The following LRRC4C variants were observed in gnomAD, a reference collection of about 807,000 sequenced individuals.
LRRC4C encodes leucine-rich repeat-containing protein 4C.
Under a neutral mutation model 33.6 loss-of-function variants are expected in LRRC4C, and 5 were observed. The observed-to-expected ratio is 0.15, with a 90% CI of 0.08 to 0.31. The LOEUF (loss-of-function observed/expected upper bound fraction) is 0.31. Among genes scored for constraint, LRRC4C ranks in the 10% least tolerant of loss-of-function variants. The pLI, the probability that LRRC4C is intolerant of heterozygous loss-of-function variation, is 1.00. For synonymous variants in LRRC4C, 329 were observed against 302.0 expected, an observed-to-expected ratio of 1.09 and a Z score of -0.93; for missense variants, 560 against 796.7, an observed-to-expected ratio of 0.70 and a Z score of 3.58.
At chr11:41,300,021 C>A (rs1041100908) in intron 1 of LRRC4C, among the ~76,000 whole-genome samples, 13 of 152,010 alleles carry the variant, frequency 8.6e-5, no homozygotes, top group East Asian at 1.9e-4. Context: ...GTCATTAGAG[C>A]AGCTTGTATA....
At chr11:41,147,805 T>C (rs537661121) in intron 1 of LRRC4C, among the ~76,000 whole-genome samples, 2 of 152,214 alleles carry the variant, frequency 1.3e-5, no homozygotes, top group African/African-American at 4.8e-5. Flanking sequence ...TTGCTCAAGG[T>C]CAGGAGTGGT....
intron 2 of LRRC4C, among the ~76,000 whole-genome samples, chr11:40,844,426 A>G (rs1261460353): frequency 6.6e-6 from 1 of 152,150 alleles, no homozygotes; most frequent in Admixed American, 6.6e-5. Flanking sequence ...GTATTTTTCC[A>G]CATTCTTAAG....
chr11:40,904,150 T>C (rs1026228830), intron 2 of LRRC4C, among the ~76,000 whole-genome samples: 1 of 152,124 alleles, frequency 6.6e-6, no homozygotes, highest in Non-Finnish European at 1.5e-5. Flanking sequence ...TTTTTGTATT[T>C]CAACCAGGTA....
At chr11:40,507,797 T>C (rs1036756796) in intron 3 of LRRC4C, among the ~76,000 whole-genome samples, 7 of 150,984 alleles carry the variant, frequency 4.6e-5, no homozygotes, top group African/African-American at 1.7e-4. Flanking sequence ...TGGAGTGCAG[T>C]GGCACCATCT....
At chr11:40,730,987 G>A (rs190194692) in intron 2 of LRRC4C, among the ~76,000 whole-genome samples, 1 of 152,298 alleles carries the variant, frequency 6.6e-6, no homozygotes, top group East Asian at 1.9e-4. Context: ...TGATCCACTT[G>A]TGATAGTGAA....
At chr11:41,341,144 A>AACTT (rs1439559709) in intron 1 of LRRC4C, among the ~76,000 whole-genome samples, 21 of 151,686 alleles carry the variant, frequency 1.4e-4, no homozygotes, top group Non-Finnish European at 2.9e-5. Flanking sequence ...CAATCTAGGT[A>AACTT]TGAAAGTAAT....
At chr11:40,334,361 T>C (rs1946502112) in intron 3 of LRRC4C, among the ~76,000 whole-genome samples, 1 of 152,044 alleles carries the variant, frequency 6.6e-6, no homozygotes. Context: ...GGTACTATTA[T>C]CCATGAGGCC....
intron 1 of LRRC4C, among the ~76,000 whole-genome samples, chr11:41,154,625 T>C (rs939724375): frequency 5.9e-5 from 9 of 152,116 alleles, no homozygotes; most frequent in Non-Finnish European, 1.0e-4. Context: ...TTTTCAAAAA[T>C]GGCAATGTTA....
At chr11:40,261,061 G>T (rs771155858) in intron 4 of LRRC4C, among the ~76,000 whole-genome samples, 2 of 151,916 alleles carry the variant, frequency 1.3e-5, no homozygotes, top group African/African-American at 4.8e-5. Context: ...TTAAACTTTT[G>T]TTGTAGAGTA....
In LRRC4C at chr11:41,250,001, T is replaced by TAA. The variant is rs35746877; in HGVS notation, c.-496+209428_-496+209429dup. 8.4e-4 allele frequency among the ~76,000 whole-genome samples: 125 copies of TAA among 148,030 alleles called. No individual in the cohort carries two copies. In the East Asian group the frequency reaches 0.012, roughly 14 times the overall value. On this transcript the variant is annotated intron_variant, in intron 1 of 6. Coordinates refer to ENST00000528697, the MANE Select transcript of LRRC4C (RefSeq NM_001258419.2). ...CAACATGGTGAAATCCCATCTCTAC[T>TAA]AAAAAAAAAAATACAAAAATTAGCC...
At chr11:40,739,854 C>G (rs1948076866) in intron 2 of LRRC4C, among the ~76,000 whole-genome samples, 1 of 151,890 alleles carries the variant, frequency 6.6e-6, no homozygotes, top group South Asian at 2.1e-4. Flanking sequence ...ATGGATTACC[C>G]AGTCTCAGGT....
intron 1 of LRRC4C, among the ~76,000 whole-genome samples, chr11:41,304,776 T>A: frequency 1.6e-5 from 1 of 61,816 alleles, no homozygotes; most frequent in Non-Finnish European, 3.1e-5. Context: ...GGTGGGGGGG[T>A]CAGCCCCCCG....
intron 1 of LRRC4C, among the ~76,000 whole-genome samples, chr11:40,993,382 G>C (rs1853725949): frequency 6.6e-6 from 1 of 152,032 alleles, no homozygotes; most frequent in Admixed American, 6.6e-5. Flanking sequence ...ACATAATATA[G>C]AATATATTTA....
intron 1 of LRRC4C, among the ~76,000 whole-genome samples, chr11:40,956,843 G>C (rs1037661630): frequency 2.0e-5 from 3 of 151,452 alleles, no homozygotes; most frequent in Non-Finnish European, 4.4e-5. Context: ...CTCTTCATAG[G>C]CATGGAACAT....
chr11:40,987,134 T>A (rs1243850237), intron 1 of LRRC4C, among the ~76,000 whole-genome samples: 1 of 152,150 alleles, frequency 6.6e-6, no homozygotes, highest in Non-Finnish European at 1.5e-5. Flanking sequence ...CATTCGGTAT[T>A]CCTCCCTCCA....
chr11:40,282,300 G>A (rs891695121), intron 4 of LRRC4C, among the ~76,000 whole-genome samples: 21 of 152,064 alleles, frequency 1.4e-4, no homozygotes, highest in African/African-American at 4.3e-4. Flanking sequence ...AGCCGAGATC[G>A]CACCACTGCA....
intron 3 of LRRC4C, among the ~76,000 whole-genome samples, chr11:40,364,023 T>C (rs1305909111): frequency 6.6e-6 from 1 of 152,184 alleles, no homozygotes; most frequent in East Asian, 1.9e-4. Flanking sequence ...ATGGATATTC[T>C]GTACCCACTA....
chr11:41,110,725 T>A (rs1468651934), intron 1 of LRRC4C, among the ~76,000 whole-genome samples: 1 of 152,072 alleles, frequency 6.6e-6, no homozygotes. Context: ...TCTTGACTCT[T>A]CAGTCACGTG....
At chr11:40,391,073 G>T (rs910623389) in intron 3 of LRRC4C, among the ~76,000 whole-genome samples, 2 of 151,896 alleles carry the variant, frequency 1.3e-5, no homozygotes, top group African/African-American at 4.8e-5. Context: ...GTATAGATGG[G>T]GTTTCACCAG....
Sources: allele counts gnomAD v4.1 joint callset (sites outside exome capture counted in the v4.1 genomes callset), GRCh38; gene constraint gnomAD v4.1.1; transcripts MANE v1.5; gene names NCBI Gene and HGNC (gene_info 2026-07-23, HGNC 2026-07-21).